The following PTPRJ variants were observed in gnomAD, a reference collection of about 807,000 sequenced individuals.
PTPRJ encodes the protein protein tyrosine phosphatase receptor type J.
PTPRJ carries 129 observed loss-of-function variants against 141.3 expected under a neutral mutation model. That is an observed-to-expected ratio of 0.91 (90% confidence interval 0.79 to 1.06). PTPRJ has a LOEUF of 1.06. PTPRJ is among the 50% of genes least tolerant of loss of function. PTPRJ has a pLI of 0.00. For missense variants in PTPRJ, 1,601 were observed against 1,679.7 expected, an observed-to-expected ratio of 0.95 and a Z score of 0.82; for synonymous variants, 610 against 640.5, an observed-to-expected ratio of 0.95 and a Z score of 0.72.
chr11:48,149,308 TG>T (rs1242067101), intron 15 of PTPRJ, 138 bp from the exon 16 acceptor site: 2 of 665,558 alleles, frequency 3.0e-6, no homozygotes, highest in Non-Finnish European at 5.3e-6. Context: ...GGGCAGGATT[TG>T]GTGTCAGCTG....
chr11:48,070,241 C>T (rs551953651), intron 1 of PTPRJ, among the ~76,000 whole-genome samples: 158 of 152,308 alleles, frequency 1.0e-3, no homozygotes, highest in Non-Finnish European at 1.8e-3. Flanking sequence ...TGGCTCATGC[C>T]TGTAATCCCA....
chr11:48,061,316 G>A (rs999501296), intron 1 of PTPRJ, among the ~76,000 whole-genome samples: 4 of 152,062 alleles, frequency 2.6e-5, no homozygotes, highest in African/African-American at 4.8e-5. Flanking sequence ...TCAGTTTCAC[G>A]CACACATAGG....
intron 3 of PTPRJ, among the ~76,000 whole-genome samples, chr11:48,119,111 C>T (rs1856640935): frequency 6.6e-6 from 1 of 151,278 alleles, no homozygotes; most frequent in African/African-American, 2.4e-5. Context: ...TGTACAGCAT[C>T]TGGGACATGG....
chr11:48,161,521 A>T (rs1430581752), intron 22 of PTPRJ, among the ~76,000 whole-genome samples: 1 of 152,182 alleles, frequency 6.6e-6, no homozygotes, highest in African/African-American at 2.4e-5. Flanking sequence ...TCCTCTGGAG[A>T]TGCCATCAAA....
chr11:47,985,805 A>G (rs1413324865), intron 1 of PTPRJ, among the ~76,000 whole-genome samples: 2 of 152,078 alleles, frequency 1.3e-5, no homozygotes, highest in African/African-American at 4.8e-5. Context: ...GGTTCAAGCG[A>G]TTCTCCTGCC....
intron 1 of PTPRJ, among the ~76,000 whole-genome samples, chr11:48,005,564 C>G (rs1565253408): frequency 6.6e-6 from 1 of 152,230 alleles, no homozygotes; most frequent in Non-Finnish European, 1.5e-5. Context: ...TATTTCATCA[C>G]AGAGAGATAC....
rs1367922675 is a variant in PTPRJ at position 48,139,483 on chromosome 11, C to A, written c.2153-3C>A. 2 of 1,612,790 alleles carry A rather than the reference C, an allele frequency of 1.2e-6. No homozygotes were observed. Among genetic ancestry groups the A allele is most frequent in the South Asian group, 2.2e-5 (2 of 91,072 alleles). ...CTCATGCTGTGCTGTACTTGCTTTG[C>A]AGATCCTGCGTCCATGGCCTCCTTC... is the stretch of plus-strand genomic sequence containing the variant. On this transcript the variant is annotated splice_polypyrimidine_tract_variant and splice_region_variant and intron_variant, in intron 10 of 24. Coordinates refer to ENST00000418331, the MANE Select transcript of PTPRJ (RefSeq NM_002843.4).
intron 1 of PTPRJ, among the ~76,000 whole-genome samples, chr11:48,059,110 CTTTTTTTTTTT>C (rs917350262): frequency 6.9e-5 from 7 of 102,160 alleles, no homozygotes; most frequent in African/African-American, 2.5e-4. Context: ...TGTGCTGTGC[CTTTTTTTTTTT>C]TTTTTTTTTT....
At chr11:48,120,797 C>T (rs956800768) in intron 3 of PTPRJ, among the ~76,000 whole-genome samples, 8 of 152,016 alleles carry the variant, frequency 5.3e-5, no homozygotes, top group Non-Finnish European at 1.2e-4. Flanking sequence ...GCTTCTGTTC[C>T]AAAGGCTTCT....
intron 21 of PTPRJ, 94 bp from the exon 22 acceptor site, chr11:48,159,836 T>A: frequency 6.7e-7 from 1 of 1,494,676 alleles, no homozygotes; most frequent in Non-Finnish European, 9.2e-7. Context: ...CCATCTCTGA[T>A]GCCAGTTTTC....
In PTPRJ at chr11:48,163,562, CGTTCGT is replaced by C; in HGVS notation, c.3665_3670del (p.Val1222_Arg1223del). 6.2e-7 allele frequency: 1 copy of C among 1,613,990 alleles called. No individual in the cohort carries two copies. On this transcript the variant is annotated inframe_deletion, in exon 23 of 25. Transcript: ENST00000418331. ...ACCTGCTCATCAACTTCCGGTACCT[CGTTCGT>C]GACTACATGAAGCAGAGTCCTCCCG...
Position 48,145,061 on chromosome 11 carries a change from G to GGGGCT in PTPRJ, c.2850_2854dup (p.Glu952GlyfsTer39), listed in dbSNP as rs757972819. 6.2e-7 allele frequency: 1 copy of GGGGCT among 1,614,190 alleles called. No individual in the cohort carries two copies. The highest frequency in any genetic ancestry group is 8.5e-7 in the Non-Finnish European group (1 of 1,180,022). Reference sequence around the variant, plus strand: ...CCCTCAAAACAAGGGGCTCATTGATGGGGCTGAGAGCTATGTGTCCTTCAG... The same window carrying GGGGCT: ...CCCTCAAAACAAGGGGCTCATTGATGGGGCTGGGCTGAGAGCTATGTGTCCTTCAG... On this transcript the variant is annotated frameshift_variant, in exon 14 of 25. Transcript: ENST00000418331. LOFTEE classifies it high-confidence loss of function.
At position 48,125,190 on chromosome 11, in the gene PTPRJ, G is replaced by C; in HGVS notation, c.1093+4G>C. On this transcript the variant is annotated splice_donor_region_variant and intron_variant, in intron 6 of 24. Transcript: ENST00000418331. Reference sequence around the variant, plus strand: ...CAGGCCATAGAGTTCAGGACAAGTAGGTTGAACTTTGTAAAATGGTGGCAG... The same window carrying C: ...CAGGCCATAGAGTTCAGGACAAGTACGTTGAACTTTGTAAAATGGTGGCAG... 1 of 1,613,060 alleles carries C rather than the reference G, an allele frequency of 6.2e-7. No homozygotes were observed. The highest frequency in any genetic ancestry group is 8.5e-7 in the Non-Finnish European group (1 of 1,179,076).
intron 1 of PTPRJ, among the ~76,000 whole-genome samples, chr11:48,027,757 C>G (rs1461059596): frequency 7.6e-6 from 1 of 131,006 alleles, no homozygotes; most frequent in East Asian, 2.3e-4. Context: ...TGCCACTGCA[C>G]TCTGGCCTGG....
intron 1 of PTPRJ, among the ~76,000 whole-genome samples, chr11:48,045,177 A>G (rs1010711047): frequency 5.3e-5 from 8 of 152,180 alleles, no homozygotes; most frequent in Non-Finnish European, 1.0e-4. Context: ...TCTGATGCAG[A>G]TAGACCTTGG....
At chr11:48,125,338 G>T (rs1856808603) in intron 6 of PTPRJ, 152 bp downstream of exon 6, 4 of 765,552 alleles carry the variant, frequency 5.2e-6, no homozygotes, top group Middle Eastern at 3.2e-4. Flanking sequence ...GAGCAGATCT[G>T]CTCAGTTTCT....
At position 48,153,105 on chromosome 11, in the gene PTPRJ, A is replaced by G. The variant is rs112915892; in HGVS notation, c.3139-691A>G. On this transcript the variant is annotated intron_variant, in intron 18 of 24. Transcript: ENST00000418331. ...ACAGAAAGCCAATCACTGAGATGAC[A>G]AATATTGCCGGGGAAGAAAGCTTTA... is the stretch of plus-strand genomic sequence containing the variant. Among the ~76,000 whole-genome samples, 263 of 152,288 alleles carry G rather than the reference A, an allele frequency of 1.7e-3. 2 individuals are homozygous for G. Among genetic ancestry groups the G allele is most frequent in the African/African-American group, 5.8e-3 (241 of 41,542 alleles).
chr11:48,011,737 T>A (rs1854796250), intron 1 of PTPRJ, among the ~76,000 whole-genome samples: 1 of 152,166 alleles, frequency 6.6e-6, no homozygotes, highest in African/African-American at 2.4e-5. Context: ...CCTCACTTAC[T>A]GCAGCCTCAA....
intron 7 of PTPRJ, among the ~76,000 whole-genome samples, chr11:48,128,999 C>A (rs1398772650): frequency 6.6e-6 from 1 of 151,634 alleles, no homozygotes; most frequent in Non-Finnish European, 1.5e-5. Context: ...CCACCAAAAA[C>A]AACAACAACA....
Sources: gnomAD v4.1 joint callset for allele counts (sites outside exome capture counted in the v4.1 genomes callset) on GRCh38, gnomAD v4.1.1 for gene constraint, MANE v1.5 for transcripts, NCBI Gene and HGNC (gene_info 2026-07-23, HGNC 2026-07-21) for gene names.